ROCK2: variants seen among roughly 807,000 people sequenced by gnomAD.
ROCK2 encodes rho-associated protein kinase 2.
In ROCK2, 61 loss-of-function variants were observed where a neutral mutation model predicts 195.1. The observed-to-expected ratio is 0.31, with a 90% confidence interval of 0.25 to 0.39. ROCK2 has a LOEUF of 0.39. Ranked by LOEUF, ROCK2 falls within the 10% of genes least tolerant of loss-of-function variation. ROCK2 has a pLI of 1.00. For synonymous variants in ROCK2, 504 were observed against 545.5 expected (o/e 0.92, Z 1.06); for missense variants, 1,109 against 1,637.4 (o/e 0.68, Z 5.57).
chr2:11,332,517 C>T (rs1315462179), intron 1 of ROCK2, among the ~76,000 whole-genome samples: 1 of 152,198 alleles, frequency 6.6e-6, no homozygotes, highest in African/African-American at 2.4e-5. Context: ...AAAACACGCA[C>T]ATAAAACAGT....
At chr2:11,299,516 C>T (rs996931814) in intron 1 of ROCK2, among the ~76,000 whole-genome samples, 16 of 151,888 alleles carry the variant, frequency 1.1e-4, no homozygotes, top group African/African-American at 3.4e-4. Context: ...GAAAGTCACT[C>T]GCTCATTCAA....
intron 3 of ROCK2, among the ~76,000 whole-genome samples, chr2:11,255,401 C>G (rs1358548476): frequency 6.7e-6 from 1 of 150,318 alleles, no homozygotes; most frequent in Non-Finnish European, 1.5e-5. Context: ...CATACATCCA[C>G]AAGGTACAGT....
At chr2:11,188,480 C>T (rs1451956375) in intron 32 of ROCK2, among the ~76,000 whole-genome samples, 1 of 152,010 alleles carries the variant, frequency 6.6e-6, no homozygotes, top group African/African-American at 2.4e-5. Context: ...CAAAAATTAG[C>T]ATTTTATTCA....
chr2:11,183,417 A>G lies in ROCK2; in HGVS notation c.*20T>C. 1 of 1,594,836 alleles carries G rather than the reference A, an allele frequency of 6.3e-7. No homozygotes were observed. The highest frequency in any genetic ancestry group is 8.6e-7 in the Non-Finnish European group (1 of 1,167,828). ...AAGAATACGATCACCTTGAATAATG[A>G]CTGCTTTCATAGAAGGCAGTTAGCT... is the stretch of plus-strand genomic sequence containing the variant. On this transcript the variant is annotated 3_prime_UTR_variant, in exon 33 of 33. Coordinates refer to ENST00000315872, the MANE Select transcript of ROCK2 (RefSeq NM_004850.5).
Position 11,208,280 on chromosome 2 carries a change from T to C in ROCK2, c.2364+7A>G. ...TATTATTAATCATTAGTACACTTAA[T>C]ACTTACATCCTCATTTAGCACATCT... On this transcript the variant is annotated splice_region_variant and intron_variant, in intron 19 of 32. Transcript: ENST00000315872. 2 of 1,391,852 alleles carry C rather than the reference T, an allele frequency of 1.4e-6. No homozygotes were observed. Among genetic ancestry groups the C allele is most frequent in the Non-Finnish European group, 1.9e-6 (2 of 1,049,980 alleles). The allele number at this position is 1,391,852 out of a possible 1,614,324, so 86.2% of individuals were successfully genotyped here.
intron 3 of ROCK2, among the ~76,000 whole-genome samples, chr2:11,268,610 C>T (rs1666512158): frequency 1.3e-5 from 2 of 151,738 alleles, no homozygotes; most frequent in East Asian, 1.9e-4. Flanking sequence ...TATATTGGCC[C>T]ACTGTCTCCT....
chr2:11,204,443 T>C (rs1478208344), intron 20 of ROCK2, among the ~76,000 whole-genome samples: 1 of 152,204 alleles, frequency 6.6e-6, no homozygotes, highest in Non-Finnish European at 1.5e-5. Flanking sequence ...TTCATTTATA[T>C]GCTGAGTCCC....
intron 1 of ROCK2, among the ~76,000 whole-genome samples, chr2:11,311,703 T>C (rs190456106): frequency 6.6e-5 from 10 of 152,160 alleles, no homozygotes; most frequent in Middle Eastern, 3.4e-3. Flanking sequence ...AGTCAAACAT[T>C]AGCAGCCATA....
At chr2:11,269,033 C>A (rs1666528561) in intron 3 of ROCK2, among the ~76,000 whole-genome samples, 1 of 152,146 alleles carries the variant, frequency 6.6e-6, no homozygotes, top group Admixed American at 6.5e-5. Context: ...CTCAAATCTG[C>A]CCCTTTGACT....
intron 8 of ROCK2, 26 bp downstream of exon 8, chr2:11,222,057 G>T: frequency 1.5e-6 from 2 of 1,361,248 alleles, no homozygotes; most frequent in Non-Finnish European, 2.1e-6. Context: ...GTGATGGAAT[G>T]AAAATATTTA....
At chr2:11,317,723 G>A (rs1412522698) in intron 1 of ROCK2, among the ~76,000 whole-genome samples, 11 of 148,004 alleles carry the variant, frequency 7.4e-5, no homozygotes, top group East Asian at 2.0e-4. Flanking sequence ...CCATTAACTC[G>A]TCATTTACAT....
chr2:11,237,201 CAG>C (rs1471168262), intron 4 of ROCK2, among the ~76,000 whole-genome samples: 1 of 152,072 alleles, frequency 6.6e-6, no homozygotes, highest in Admixed American at 6.6e-5. Flanking sequence ...AAAAGGGTAA[CAG>C]ATGTCACATC....
chr2:11,274,379 ATT>A (rs2148171894), intron 3 of ROCK2, among the ~76,000 whole-genome samples: 1 of 152,256 alleles, frequency 6.6e-6, no homozygotes, highest in South Asian at 2.1e-4. Flanking sequence ...AGATGGACTA[ATT>A]AAAAAAACAG....
At chr2:11,308,011 G>A (rs1667916765) in intron 1 of ROCK2, 2 of 1,547,962 alleles carry the variant, frequency 1.3e-6, no homozygotes, top group Middle Eastern at 2.3e-4. Flanking sequence ...GAGGGGACGG[G>A]GTGGGGACCA....
At chr2:11,267,174 T>C (rs1056383813) in intron 3 of ROCK2, among the ~76,000 whole-genome samples, 1 of 152,170 alleles carries the variant, frequency 6.6e-6, no homozygotes, top group African/African-American at 2.4e-5. Flanking sequence ...CTGTTTAAAA[T>C]ATTTACAGCA....
At chr2:11,186,679 T>A (rs557244970) in intron 32 of ROCK2, among the ~76,000 whole-genome samples, 3 of 152,182 alleles carry the variant, frequency 2.0e-5, no homozygotes, top group Admixed American at 6.5e-5. Context: ...TTCTCTCTAG[T>A]GTCACATCAT....
chr2:11,280,915 CA>C (rs1040833136), intron 3 of ROCK2, among the ~76,000 whole-genome samples: 1 of 151,918 alleles, frequency 6.6e-6, no homozygotes, highest in African/African-American at 2.4e-5. Context: ...ACGAGGTCAG[CA>C]AAAAACTTGA....
At chr2:11,264,375 TTAACTA>T (rs1452850953) in intron 3 of ROCK2, among the ~76,000 whole-genome samples, 1 of 144,334 alleles carries the variant, frequency 6.9e-6, no homozygotes, top group Non-Finnish European at 1.6e-5. Context: ...TACTGAAAAA[TTAACTA>T]TAAGAGTTGA....
chr2:11,225,956 GA>G (rs1209951288), intron 6 of ROCK2, among the ~76,000 whole-genome samples: 2 of 152,128 alleles, frequency 1.3e-5, no homozygotes, highest in Non-Finnish European at 2.9e-5. Context: ...AAAAGTTCAA[GA>G]GTAATTATTA....
Sources: gnomAD v4.1 joint callset for allele counts (sites outside exome capture counted in the v4.1 genomes callset) on GRCh38, gnomAD v4.1.1 for gene constraint, MANE v1.5 for transcripts, NCBI Gene and HGNC (gene_info 2026-07-23, HGNC 2026-07-21) for gene names.